The following CTNNA3 variants were observed in gnomAD, a reference collection of about 807,000 sequenced individuals.
CTNNA3 encodes the protein catenin alpha-3.
Under a neutral mutation model 95.7 loss-of-function variants are expected in CTNNA3, and 76 were observed. The observed-to-expected ratio is 0.79, with a 90% CI of 0.66 to 0.96. The LOEUF (loss-of-function observed/expected upper bound fraction) is 0.96. Among genes scored for constraint, CTNNA3 ranks in the 40% least tolerant of loss-of-function variants. The probability of loss-of-function intolerance (pLI) is 0.00; values close to 1 mark genes in which losing one functional copy is unlikely to be tolerated. For synonymous variants in CTNNA3, 431 were observed against 374.4 expected, an observed-to-expected ratio of 1.15 and a Z score of -1.74; for missense variants, 1,191 against 1,089.8, an observed-to-expected ratio of 1.09 and a Z score of -1.31.
At chr10:66,923,863 T>A (rs1846923458) in intron 7 of CTNNA3, among the ~76,000 whole-genome samples, 1 of 152,212 alleles carries the variant, frequency 6.6e-6, no homozygotes, top group Non-Finnish European at 1.5e-5. Context: ...GTGACTGATA[T>A]AAAAACATAT....
At chr10:67,540,257 T>A (rs1405732477) in intron 3 of CTNNA3, among the ~76,000 whole-genome samples, 1 of 152,058 alleles carries the variant, frequency 6.6e-6, no homozygotes, top group Non-Finnish European at 1.5e-5. Flanking sequence ...AAATATGTAT[T>A]CTTTCATTGT....
At chr10:66,649,735 C>G (rs1239048009) in intron 9 of CTNNA3, among the ~76,000 whole-genome samples, 1 of 152,208 alleles carries the variant, frequency 6.6e-6, no homozygotes, top group Non-Finnish European at 1.5e-5. Context: ...CTGACCCCAG[C>G]AGCCCTAGGC....
intron 1 of CTNNA3, among the ~76,000 whole-genome samples, chr10:67,683,162 G>A (rs529237464): frequency 3.9e-5 from 6 of 152,342 alleles, no homozygotes; most frequent in Admixed American, 3.9e-4. Context: ...AAATTGCAGA[G>A]TCTAACAGAA....
intron 11 of CTNNA3, among the ~76,000 whole-genome samples, chr10:66,442,888 AG>A (rs2093385918): frequency 6.6e-6 from 1 of 152,216 alleles, no homozygotes; most frequent in Non-Finnish European, 1.5e-5. Context: ...GCAAGGGGTC[AG>A]GGGGTTCCCT....
In CTNNA3 at chr10:66,424,534, T is replaced by C. The variant is rs190982163; in HGVS notation, c.1532-45182A>G. On this transcript the variant is annotated intron_variant, in intron 11 of 17. Coordinates refer to ENST00000433211, the MANE Select transcript of CTNNA3 (RefSeq NM_013266.4). The stretch of plus-strand genomic sequence containing the variant: ...CTTGCAATATATTTCTAATTTTTCA[T>C]TATTTTTTCTTTTACATATTAGATA... 2.8e-4 allele frequency among the ~76,000 whole-genome samples: 43 copies of C among 152,198 alleles called. 2 individuals are homozygous for C. The highest frequency in any genetic ancestry group is 9.9e-4 in the African/African-American group (41 of 41,580).
chr10:67,480,521 T>C (rs2133050755), intron 5 of CTNNA3, among the ~76,000 whole-genome samples: 1 of 152,342 alleles, frequency 6.6e-6, no homozygotes, highest in African/African-American at 2.4e-5. Flanking sequence ...AAGGAACACC[T>C]GGCCCACCCA....
intron 12 of CTNNA3, among the ~76,000 whole-genome samples, chr10:66,312,843 T>C (rs10740234): frequency 0.51 from 77,821 of 151,820 alleles, 20,288 homozygotes; most frequent in Admixed American, 0.6. Context: ...CAATGCCCGG[T>C]GGGATTGCAG....
intron 9 of CTNNA3, among the ~76,000 whole-genome samples, chr10:66,642,117 G>A (rs1000147283): frequency 1.3e-5 from 2 of 152,030 alleles, no homozygotes; most frequent in African/African-American, 4.8e-5. Context: ...CTTACTTCCA[G>A]ATGTTCTTTG....
chr10:66,619,049 T>A (rs548574308), intron 10 of CTNNA3, among the ~76,000 whole-genome samples: 1 of 151,716 alleles, frequency 6.6e-6, no homozygotes, highest in Non-Finnish European at 1.5e-5. Context: ...ATCATTAAAA[T>A]GTCAGGAAAC....
At chr10:66,920,249 T>C (rs1846720280) in intron 7 of CTNNA3, among the ~76,000 whole-genome samples, 1 of 152,230 alleles carries the variant, frequency 6.6e-6, no homozygotes, top group Admixed American at 6.5e-5. Context: ...AAATGGTTCC[T>C]AAGTAAAAAT....
intron 7 of CTNNA3, among the ~76,000 whole-genome samples, chr10:67,086,219 C>T (rs1796012224): frequency 6.6e-6 from 1 of 151,832 alleles, no homozygotes; most frequent in Non-Finnish European, 1.5e-5. Context: ...ATAGCAATAC[C>T]TCATCCCTAT....
At chr10:67,545,034 CTGA>C (rs1840798658) in intron 3 of CTNNA3, among the ~76,000 whole-genome samples, 1 of 151,426 alleles carries the variant, frequency 6.6e-6, no homozygotes, top group Non-Finnish European at 1.5e-5. Context: ...TTTGATTGGG[CTGA>C]TTCTATTAAA....
chr10:67,054,534 C>T (rs1274945517), intron 7 of CTNNA3: 1 of 152,146 alleles, frequency 6.6e-6, no homozygotes, highest in East Asian at 1.9e-4. Flanking sequence ...AAAGTAAATG[C>T]TTGGCTATTA....
At chr10:66,140,840 C>A (rs1422004706) in intron 13 of CTNNA3, among the ~76,000 whole-genome samples, 1 of 152,150 alleles carries the variant, frequency 6.6e-6, no homozygotes, top group Non-Finnish European at 1.5e-5. Flanking sequence ...TTCTCTCTTA[C>A]TTTAGTCTAT....
intron 11 of CTNNA3, among the ~76,000 whole-genome samples, chr10:66,380,390 A>T (rs1234810625): frequency 6.6e-6 from 1 of 152,034 alleles, no homozygotes; most frequent in Non-Finnish European, 1.5e-5. Flanking sequence ...AAGGAGGATG[A>T]CTTGGGGCCA....
chr10:66,058,892 G>A (rs1183426317), intron 15 of CTNNA3, among the ~76,000 whole-genome samples: 1 of 152,080 alleles, frequency 6.6e-6, no homozygotes, highest in Admixed American at 6.6e-5. Context: ...TTTCTCTTGG[G>A]TAACTAATCA....
Position 65,988,801 on chromosome 10 carries a change from GA to G in CTNNA3, c.2160-5del, listed in dbSNP as rs1240830545. On this transcript the variant is annotated splice_polypyrimidine_tract_variant and splice_region_variant and intron_variant, in intron 15 of 17. Transcript: ENST00000433211. ...ATGCTTTAGTGGTCCTTTGCCCCTG[GA>G]AAAAAATTTATATATGTTAGCTGTG... The G allele has an allele frequency of 6.2e-7, 1 of 1,607,262 alleles. No homozygotes were observed.
chr10:66,662,122 TA>T (rs1157402495), intron 9 of CTNNA3, among the ~76,000 whole-genome samples: 6 of 152,194 alleles, frequency 3.9e-5, no homozygotes, highest in African/African-American at 1.4e-4. Flanking sequence ...GTTGTTTATC[TA>T]AAATTCAAAT....
intron 3 of CTNNA3, among the ~76,000 whole-genome samples, chr10:67,585,617 G>A (rs1004791381): frequency 3.3e-5 from 5 of 152,006 alleles, no homozygotes; most frequent in Non-Finnish European, 5.9e-5. Context: ...TAGTGTGTGA[G>A]TATATCAATA....
Sources: allele counts gnomAD v4.1 joint callset (sites outside exome capture counted in the v4.1 genomes callset), GRCh38; gene constraint gnomAD v4.1.1; transcripts MANE v1.5; gene names NCBI Gene and HGNC (gene_info 2026-07-23, HGNC 2026-07-21).